The following MACROD2 variants were observed in gnomAD, a reference collection of about 807,000 sequenced individuals.
MACROD2 encodes mono-ADP ribosylhydrolase 2, also known as ADP-ribose glycohydrolase MACROD2.
Under a neutral mutation model 70.4 loss-of-function variants are expected in MACROD2, and 36 were observed. The ratio of observed to expected loss-of-function variants is 0.51; its 90% CI spans 0.39 to 0.68. MACROD2 has a LOEUF of 0.68. Ranked by LOEUF, MACROD2 falls within the 30% of genes least tolerant of loss-of-function variation. MACROD2 has a pLI of 0.00. For synonymous variants in MACROD2, 172 were observed against 178.8 expected (o/e 0.96, Z 0.30); for missense variants, 496 against 538.4 (o/e 0.92, Z 0.78).
intron 8 of MACROD2, among the ~76,000 whole-genome samples, chr20:15,784,190 A>G (rs1425647569): frequency 6.6e-6 from 1 of 152,152 alleles, no homozygotes. Context: ...TAGTTTTAAC[A>G]TGCAGTATCT....
At chr20:15,698,598 T>A (rs1227763070) in intron 8 of MACROD2, among the ~76,000 whole-genome samples, 1 of 152,200 alleles carries the variant, frequency 6.6e-6, no homozygotes, top group Non-Finnish European at 1.5e-5. Flanking sequence ...TCTTTGTGCT[T>A]CTTGTATTTG....
intron 12 of MACROD2, among the ~76,000 whole-genome samples, chr20:15,940,088 A>G (rs1449358825): frequency 1.3e-5 from 2 of 152,022 alleles, no homozygotes; most frequent in East Asian, 1.9e-4. Context: ...GAGAGTATTG[A>G]GTTCAATTTT....
intron 6 of MACROD2, among the ~76,000 whole-genome samples, chr20:15,331,390 T>G (rs2077990620): frequency 6.6e-6 from 1 of 151,740 alleles, no homozygotes. Flanking sequence ...CAACTAAAGT[T>G]GATGTGATTC....
At chr20:14,551,408 T>C (rs748320259) in intron 4 of MACROD2, among the ~76,000 whole-genome samples, 11 of 152,246 alleles carry the variant, frequency 7.2e-5, no homozygotes, top group Non-Finnish European at 1.5e-4. Flanking sequence ...GAAAATGTTC[T>C]TCTCTTGTAA....
At chr20:15,091,051 C>T (rs2075788981) in intron 5 of MACROD2, among the ~76,000 whole-genome samples, 1 of 151,946 alleles carries the variant, frequency 6.6e-6, no homozygotes, top group African/African-American at 2.4e-5. Flanking sequence ...ATCCTTCAAC[C>T]AAGGATGAGG....
intron 3 of MACROD2, chr20:14,324,367 A>G (rs1568555836): frequency 6.6e-6 from 1 of 152,580 alleles, no homozygotes; most frequent in African/African-American, 2.4e-5. Context: ...GTAGGAAGCT[A>G]GAAGGAAATG....
intron 8 of MACROD2, among the ~76,000 whole-genome samples, chr20:15,765,007 G>GA (rs2051499489): frequency 6.6e-6 from 1 of 151,960 alleles, no homozygotes; most frequent in African/African-American, 2.4e-5. Context: ...CCTCTGCTTG[G>GA]AAAACCACAC....
intron 3 of MACROD2, among the ~76,000 whole-genome samples, chr20:14,447,429 A>G (rs1033614326): frequency 1.3e-5 from 2 of 152,140 alleles, no homozygotes; most frequent in African/African-American, 4.8e-5. Flanking sequence ...TTTCTTTGGA[A>G]AATAGCATCT....
intron 5 of MACROD2, among the ~76,000 whole-genome samples, chr20:15,145,627 A>G (rs2076224764): frequency 6.6e-6 from 1 of 152,186 alleles, no homozygotes; most frequent in African/African-American, 2.4e-5. Flanking sequence ...AAAGACTAAG[A>G]AAAGAAACAA....
intron 5 of MACROD2, among the ~76,000 whole-genome samples, chr20:14,883,579 G>T (rs2073635591): frequency 7.0e-6 from 1 of 143,148 alleles, no homozygotes; most frequent in Admixed American, 7.3e-5. Flanking sequence ...GAAATGAACT[G>T]TCTATATCTG....
At chr20:15,798,120 G>C (rs1019202560) in intron 8 of MACROD2, among the ~76,000 whole-genome samples, 2 of 152,214 alleles carry the variant, frequency 1.3e-5, no homozygotes, top group African/African-American at 4.8e-5. Flanking sequence ...GAGGATGATA[G>C]AAATTAATAC....
chr20:15,226,272 C>T (rs2076905185), intron 5 of MACROD2, among the ~76,000 whole-genome samples: 1 of 152,170 alleles, frequency 6.6e-6, no homozygotes, highest in African/African-American at 2.4e-5. Flanking sequence ...GGTGTTCTTT[C>T]CACATGAGTA....
chr20:15,309,978 G>A (rs2077735402), intron 6 of MACROD2, among the ~76,000 whole-genome samples: 2 of 152,312 alleles, frequency 1.3e-5, no homozygotes, highest in African/African-American at 4.8e-5. Context: ...AAGCAGTAAG[G>A]ATAGTTAGGT....
chr20:15,984,995 A>G (rs1282687257), intron 13 of MACROD2, among the ~76,000 whole-genome samples: 1 of 152,166 alleles, frequency 6.6e-6, no homozygotes, highest in African/African-American at 2.4e-5. Flanking sequence ...CTTGGCTTAC[A>G]GGTTACCTTG....
chr20:15,749,647 C>T (rs2051238022), intron 8 of MACROD2, among the ~76,000 whole-genome samples: 1 of 151,612 alleles, frequency 6.6e-6, no homozygotes, highest in African/African-American at 2.4e-5. Flanking sequence ...ATAAACTTTC[C>T]CTGAAGGCTA....
At chr20:15,483,273 A>G (rs2047123288) in intron 7 of MACROD2, among the ~76,000 whole-genome samples, 1 of 152,104 alleles carries the variant, frequency 6.6e-6, no homozygotes, top group African/African-American at 2.4e-5. Flanking sequence ...CATTTCTTGC[A>G]TGTGATTGTC....
At chr20:14,434,133 A>G (rs1014055882) in intron 3 of MACROD2, among the ~76,000 whole-genome samples, 1 of 152,156 alleles carries the variant, frequency 6.6e-6, no homozygotes, top group Admixed American at 6.6e-5. Flanking sequence ...TGATTTTGTG[A>G]TTGACTTAGC....
intron 15 of MACROD2, 121 bp from the exon 16 acceptor site, chr20:16,041,080 G>T: frequency 1.2e-6 from 1 of 805,128 alleles, no homozygotes; most frequent in Admixed American, 2.8e-5. Context: ...TTCTGCAAAA[G>T]AAGTTGAATC....
intron 10 of MACROD2, among the ~76,000 whole-genome samples, chr20:15,892,146 C>G (rs2147222021): frequency 6.6e-6 from 1 of 152,246 alleles, no homozygotes; most frequent in Middle Eastern, 3.4e-3. Context: ...CAGAGCACAG[C>G]AGGGGTGGTG....
Sources: allele counts gnomAD v4.1 joint callset (sites outside exome capture counted in the v4.1 genomes callset), GRCh38; gene constraint gnomAD v4.1.1; transcripts MANE v1.5; gene names NCBI Gene and HGNC (gene_info 2026-07-23, HGNC 2026-07-21).